The following KLHL22 variants were observed in gnomAD, a reference collection of about 807,000 sequenced individuals.
KLHL22 encodes the protein kelch like family member 22, also known as kelch-like protein 22.
In KLHL22, 18 loss-of-function variants were observed where a neutral mutation model predicts 60.7. The observed-to-expected ratio is 0.30, with a 90% CI of 0.20 to 0.44. The LOEUF (loss-of-function observed/expected upper bound fraction) is 0.44, where lower values mean the gene tolerates loss of function less well. KLHL22 is among the 20% of genes least tolerant of loss of function. The pLI is 1.00. For synonymous variants in KLHL22, 355 were observed against 354.5 expected, an observed-to-expected ratio of 1.00 and a Z score of -0.01; for missense variants, 596 against 852.3, an observed-to-expected ratio of 0.70 and a Z score of 3.74.
chr22:20,464,830 A>T, intron 4 of KLHL22, 28 bp downstream of exon 4: 10 of 1,401,344 alleles, frequency 7.1e-6, no homozygotes, highest in Non-Finnish European at 9.7e-6. Flanking sequence ...ACCTGAAGAC[A>T]AAGGGACCAG....
intron 1 of KLHL22, among the ~76,000 whole-genome samples, chr22:20,489,478 T>C (rs2053647006): frequency 6.6e-6 from 1 of 152,104 alleles, no homozygotes; most frequent in Non-Finnish European, 1.5e-5. Flanking sequence ...TTCATCTCAT[T>C]GTATCTTCTT....
intron 2 of KLHL22, among the ~76,000 whole-genome samples, chr22:20,474,427 T>C (rs888981266): frequency 5.9e-5 from 9 of 152,180 alleles, no homozygotes; most frequent in Admixed American, 4.6e-4. Context: ...GTTTCGCTCT[T>C]GTCGCCCAGG....
intron 1 of KLHL22, among the ~76,000 whole-genome samples, chr22:20,490,565 G>T (rs958590364): frequency 3.9e-5 from 6 of 152,160 alleles, no homozygotes; most frequent in African/African-American, 1.4e-4. Context: ...ATACCAGCTG[G>T]GTGTCTTCTA....
intron 2 of KLHL22, among the ~76,000 whole-genome samples, chr22:20,474,082 C>G (rs2053370288): frequency 6.6e-6 from 1 of 152,146 alleles, no homozygotes; most frequent in Non-Finnish European, 1.5e-5. Context: ...TCAGTGCAAC[C>G]TCCGCCTCCT....
At chr22:20,457,407 A>C (rs1396793046) in intron 5 of KLHL22, among the ~76,000 whole-genome samples, 1 of 152,116 alleles carries the variant, frequency 6.6e-6, no homozygotes, top group Non-Finnish European at 1.5e-5. Flanking sequence ...TAGGCCAGTG[A>C]GCTCTCAGGG....
intron 2 of KLHL22, among the ~76,000 whole-genome samples, chr22:20,484,444 A>C (rs1601385790): frequency 6.6e-6 from 1 of 151,832 alleles, no homozygotes; most frequent in East Asian, 1.9e-4. Context: ...ACAGGTGTGC[A>C]CCACTACGCC....
rs1196419660 is a variant in KLHL22, at chr22:20,478,508, CTTTTTTTT to C, written c.228-7001_228-6994del. Among the ~76,000 whole-genome samples the C allele has an allele frequency of 1.9e-4, 13 of 67,678 alleles. 1 individual carries two copies. The Admixed American group carries it at 2.3e-3, about 12-fold the overall frequency. 44.4% of individuals were successfully genotyped at this position (67,678 alleles called of 152,430 possible). A position where few individuals can be genotyped will look rare whatever the true frequency, so the allele number is the denominator to read the frequency against. ...CACCAAGCCCGCCCCAAACTTAATTCTTTTTTTTTTTTTTTTTTTTTTTTGAGATGGAG... is the reference window on the plus strand; with the variant it reads ...CACCAAGCCCGCCCCAAACTTAATTCTTTTTTTTTTTTTTTTGAGATGGAG... On this transcript the variant is annotated intron_variant, in intron 2 of 6. Transcript: ENST00000328879.
chr22:20,464,440 C>T (rs1224813655), intron 4 of KLHL22, among the ~76,000 whole-genome samples: 1 of 152,164 alleles, frequency 6.6e-6, no homozygotes, highest in Non-Finnish European at 1.5e-5. Flanking sequence ...GAAACTGAAA[C>T]AACATGCATC....
chr22:20,445,815 G>A (rs1333832945), intron 6 of KLHL22, among the ~76,000 whole-genome samples: 2 of 152,128 alleles, frequency 1.3e-5, no homozygotes, highest in Non-Finnish European at 2.9e-5. Context: ...CCAGGCTGGA[G>A]TGCAGTGGCG....
chr22:20,470,656 T>A (rs576234410), intron 3 of KLHL22, among the ~76,000 whole-genome samples: 11 of 151,644 alleles, frequency 7.3e-5, no homozygotes, highest in Admixed American at 7.2e-4. Flanking sequence ...CTCCAATAAA[T>A]TGAATGAGTG....
At position 20,488,873 on chromosome 22, in the gene KLHL22, G is replaced by C. The variant is rs1006412111; in HGVS notation, c.227+112C>G. The C allele has an allele frequency of 1.4e-5, 13 of 961,584 alleles. No individual in the cohort carries two copies. In the East Asian group the frequency reaches 3.1e-4, roughly 23 times the overall value. 59.6% of individuals were successfully genotyped at this position (961,584 alleles called of 1,614,324 possible). On this transcript the variant is annotated intron_variant, in intron 2 of 6. Coordinates refer to ENST00000328879, the MANE Select transcript of KLHL22 (RefSeq NM_032775.4). ...GACTAAGTCATAGCCACAAGGAGTAGGGGAGGCTCTGAGGTGAGCAGGAGA... is the reference window on the plus strand; with the variant it reads ...GACTAAGTCATAGCCACAAGGAGTACGGGAGGCTCTGAGGTGAGCAGGAGA...
intron 2 of KLHL22, chr22:20,483,847 G>T: frequency 1.4e-6 from 1 of 726,968 alleles, no homozygotes; most frequent in South Asian, 1.4e-5. Flanking sequence ...CGGTCATTCA[G>T]GCTTTGTATG....
chr22:20,465,546 A>G lies in KLHL22; in HGVS notation c.424T>C (p.Phe142Leu), dbSNP rs763310878. The part of the protein sequence containing the change: ...IPEIIHFCCD[F>L]LMSWVDEENI... ...TCTTCGTCCACCCAGGACATGAGGA[A>G]ATCACAGCAGAAATGGATAATTTCT... The change falls in exon 4 of 7, where the codon TTC (phenylalanine) becomes CTC (leucine). Residue 142 changes from phenylalanine (F) to leucine (L), a missense_variant. Coordinates refer to ENST00000328879, the MANE Select transcript of KLHL22 (RefSeq NM_032775.4). The surrounding 1 kb of genome is among the most constrained non-coding windows in gnomAD (Gnocchi z 4.9). The G allele has an allele frequency of 6.3e-7, 1 of 1,585,494 alleles. No individual in the cohort carries two copies. Among genetic ancestry groups the G allele is most frequent in the Admixed American group, 1.7e-5 (1 of 59,988 alleles).
rs998626903 is a variant in KLHL22, at chr22:20,465,757, T to G, written c.394-181A>C. On this transcript the variant is annotated intron_variant, in intron 3 of 6. Transcript: ENST00000328879. The surrounding 1 kb of genome is among the most constrained non-coding windows in gnomAD (Gnocchi z 4.9). ...ACTGGGGCTTACTGCAGACTAGGTT[T>G]AAGTCCTGGTTTGGAAACATACTGG... The G allele has an allele frequency of 2.6e-5, 16 of 606,128 alleles. No homozygotes were observed. Among genetic ancestry groups the G allele is most frequent in the East Asian group, 1.6e-4 (6 of 36,454 alleles). 37.5% of individuals were successfully genotyped at this position (606,128 alleles called of 1,614,324 possible).
chr22:20,477,685 T>C (rs1472472094), intron 2 of KLHL22, among the ~76,000 whole-genome samples: 1 of 152,192 alleles, frequency 6.6e-6, no homozygotes, highest in Non-Finnish European at 1.5e-5. Flanking sequence ...ACATTGTGGG[T>C]GCAATTAGGA....
intron 1 of KLHL22, chr22:20,492,024 C>T (rs1015812683): frequency 6.6e-6 from 1 of 152,258 alleles, no homozygotes; most frequent in Non-Finnish European, 1.5e-5. Context: ...AAACTCTGCT[C>T]TATGATAATT....
chr22:20,459,939 G>A (rs1417720656), intron 4 of KLHL22, among the ~76,000 whole-genome samples: 1 of 152,206 alleles, frequency 6.6e-6, no homozygotes, highest in Non-Finnish European at 1.5e-5. Context: ...GCGGGGCCTG[G>A]GGAGGGCAGA....
chr22:20,489,973 G>A (rs1229626462), intron 1 of KLHL22: 13 of 358,652 alleles, frequency 3.6e-5, no homozygotes, highest in Non-Finnish European at 7.3e-5. Context: ...TTCAAAAACC[G>A]CAAACTGATT....
intron 5 of KLHL22, chr22:20,450,246 G>C: frequency 1.1e-6 from 1 of 882,380 alleles, no homozygotes; most frequent in Non-Finnish European, 2.0e-6. Context: ...AGAGCAGAAA[G>C]ACTTTCCTGC....
Sources: allele counts gnomAD v4.1 joint callset (sites outside exome capture counted in the v4.1 genomes callset), GRCh38; gene constraint gnomAD v4.1.1; non-coding constraint Gnocchi (gnomAD v3.1); transcripts MANE v1.5; gene names NCBI Gene and HGNC (gene_info 2026-07-23, HGNC 2026-07-21).